Variants in TMEM132D observed in about 807,000 individuals in gnomAD.
The protein encoded by TMEM132D is mature OL transmembrane protein.
In TMEM132D, 21 loss-of-function variants were observed where a neutral mutation model predicts 62.3. The ratio of observed to expected loss-of-function variants is 0.34; its 90% CI spans 0.24 to 0.49. The LOEUF is 0.49. Ranked by LOEUF, TMEM132D falls within the 20% of genes least tolerant of loss-of-function variation. TMEM132D has a pLI of 0.99. For missense variants in TMEM132D, 1,346 were observed against 1,402.8 expected (o/e 0.96, Z 0.65); for synonymous variants, 621 against 575.6 (o/e 1.08, Z -1.13).
rs1159718899 is a variant in TMEM132D at position 129,388,272 on chromosome 12, A to G, written c.1116-50455T>C. Among the ~76,000 whole-genome samples the G allele has an allele frequency of 7.4e-4, 96 of 129,220 alleles. 1 individual carries two copies. The highest frequency in any genetic ancestry group is 1.3e-3 in the Non-Finnish European group (75 of 55,606). 84.8% of individuals were successfully genotyped at this position (129,220 alleles called of 152,430 possible). On this transcript the variant is annotated intron_variant, in intron 3 of 8. Transcript: ENST00000422113. ...TAACACCGACACCAATACTAACACC[A>G]ACACCAATCCAGCACTGATGATAAT... is the stretch of plus-strand genomic sequence containing the variant.
chr12:129,837,500 C>CA (rs1203497910), intron 1 of TMEM132D, among the ~76,000 whole-genome samples: 2 of 152,094 alleles, frequency 1.3e-5, no homozygotes, highest in Non-Finnish European at 2.9e-5. Flanking sequence ...CGCACATACA[C>CA]AAAAAAGAAC....
At chr12:129,256,041 G>A (rs1349901098) in intron 4 of TMEM132D, among the ~76,000 whole-genome samples, 1 of 152,128 alleles carries the variant, frequency 6.6e-6, no homozygotes, top group Non-Finnish European at 1.5e-5. Context: ...GATGGGTGTG[G>A]GTTTCAAACA....
chr12:129,901,514 T>A (rs1284994654), intron 1 of TMEM132D, among the ~76,000 whole-genome samples: 2 of 152,224 alleles, frequency 1.3e-5, no homozygotes, highest in African/African-American at 2.4e-5. Flanking sequence ...GCTGACTTGC[T>A]TAAGTTCAAT....
At position 129,700,232 on chromosome 12, in the gene TMEM132D, G is replaced by C. The variant is rs755395380; in HGVS notation, c.546C>G (p.Ser182Arg). The change falls in exon 2 of 9, where the codon AGC becomes AGG. Residue 182 changes from serine (S) to arginine (R), a missense_variant. By Grantham distance (110) the Ser-to-Arg change is moderately radical. Transcript: ENST00000422113. ...GCCCCAGGTCCCCCTGCAGCCGGCAGCTGCCCCGCACCTCTCGGGTCTCTC... is the reference window on the plus strand; with the variant it reads ...GCCCCAGGTCCCCCTGCAGCCGGCACCTGCCCCGCACCTCTCGGGTCTCTC... ...AFRETREVRG[S>R]CRLQGDLGLC... 6.2e-7 allele frequency: 1 copy of C among 1,612,960 alleles called. No homozygotes were observed. Among genetic ancestry groups the C allele is most frequent in the Admixed American group, 1.7e-5 (1 of 60,018 alleles).
chr12:129,408,384 T>C (rs191431582), intron 3 of TMEM132D, among the ~76,000 whole-genome samples: 1 of 152,156 alleles, frequency 6.6e-6, no homozygotes, highest in Non-Finnish European at 1.5e-5. Context: ...TTTGAATGAG[T>C]GTCATATTGC....
intron 3 of TMEM132D, among the ~76,000 whole-genome samples, chr12:129,489,357 A>G (rs942071062): frequency 1.3e-5 from 2 of 152,220 alleles, no homozygotes; most frequent in African/African-American, 2.4e-5. Context: ...TGGGGAATAC[A>G]TATCATCCTT....
intron 2 of TMEM132D, among the ~76,000 whole-genome samples, chr12:129,633,656 G>A (rs999134690): frequency 1.3e-5 from 2 of 152,248 alleles, no homozygotes; most frequent in Non-Finnish European, 2.9e-5. Context: ...CTTTCATGGT[G>A]AGAGTGTGAT....
chr12:129,220,710 T>C (rs1231253704), intron 4 of TMEM132D, among the ~76,000 whole-genome samples: 1 of 152,200 alleles, frequency 6.6e-6, no homozygotes, highest in African/African-American at 2.4e-5. Context: ...TGGTACCTTG[T>C]AAGATTCTTT....
intron 2 of TMEM132D, among the ~76,000 whole-genome samples, chr12:129,592,738 CAG>C (rs1464114404): frequency 1.3e-5 from 2 of 152,100 alleles, no homozygotes; most frequent in African/African-American, 2.4e-5. Flanking sequence ...GCAAAACAAA[CAG>C]TGTGTGCTAT....
intron 3 of TMEM132D, among the ~76,000 whole-genome samples, chr12:129,489,512 A>G (rs998417553): frequency 1.3e-5 from 2 of 152,256 alleles, no homozygotes; most frequent in African/African-American, 4.8e-5. Context: ...ATACTTGCAT[A>G]CATTAGGCAA....
At chr12:129,275,050 C>T (rs903772201) in intron 4 of TMEM132D, among the ~76,000 whole-genome samples, 3 of 152,094 alleles carry the variant, frequency 2.0e-5, no homozygotes, top group African/African-American at 4.8e-5. Flanking sequence ...GAGGTTGAGG[C>T]GGGACGATTC....
chr12:129,177,747 G>C (rs1475991225), intron 5 of TMEM132D, among the ~76,000 whole-genome samples: 1 of 152,208 alleles, frequency 6.6e-6, no homozygotes, highest in Non-Finnish European at 1.5e-5. Context: ...AATAGAATAA[G>C]TAAGTTCCCT....
intron 4 of TMEM132D, among the ~76,000 whole-genome samples, chr12:129,258,093 A>G (rs10847820): frequency 0.12 from 17,889 of 152,180 alleles, 1,563 homozygotes; most frequent in East Asian, 0.41. Flanking sequence ...TCATAAAACT[A>G]GACACATGTG....
In TMEM132D at chr12:129,278,106, C is replaced by G. The variant is rs981207960; in HGVS notation, c.1299+59528G>C. Among the ~76,000 whole-genome samples the G allele has an allele frequency of 2.6e-5, 4 of 152,196 alleles. No homozygotes were observed. The East Asian group carries it at 7.7e-4, about 29-fold the overall frequency. On this transcript the variant is annotated intron_variant, in intron 4 of 8. Coordinates refer to ENST00000422113, the MANE Select transcript of TMEM132D (RefSeq NM_133448.3). ...GCTAGGGTCTGGTTCTAACTGCTCA[C>G]TCCTTTACATAAGCCCCAAGCTCCC...
chr12:129,143,935 C>G (rs112079986), intron 5 of TMEM132D, among the ~76,000 whole-genome samples: 1 of 151,964 alleles, frequency 6.6e-6, no homozygotes, highest in Non-Finnish European at 1.5e-5. Flanking sequence ...CCTGCTCACT[C>G]TTGAACTCCC....
chr12:129,510,948 T>C (rs1465142678), intron 3 of TMEM132D, among the ~76,000 whole-genome samples: 2 of 152,306 alleles, frequency 1.3e-5, no homozygotes, highest in East Asian at 1.9e-4. Flanking sequence ...TAGGTTACTA[T>C]AGCTCAGTAG....
chr12:129,709,183 G>A (rs1483478026), intron 1 of TMEM132D, among the ~76,000 whole-genome samples: 4 of 152,064 alleles, frequency 2.6e-5, no homozygotes, highest in Admixed American at 6.5e-5. Context: ...AATCATGGTC[G>A]GGGTCAAATT....
chr12:129,649,157 A>G (rs879864007), intron 2 of TMEM132D, among the ~76,000 whole-genome samples: 1 of 152,222 alleles, frequency 6.6e-6, no homozygotes, highest in Non-Finnish European at 1.5e-5. Flanking sequence ...CATAAATGAT[A>G]AAGTCAGGAT....
chr12:129,645,736 G>A (rs1008013715), intron 2 of TMEM132D, among the ~76,000 whole-genome samples: 2 of 152,146 alleles, frequency 1.3e-5, no homozygotes, highest in Non-Finnish European at 2.9e-5. Context: ...CAATAGAGAA[G>A]CCAGGCCAAA....
Sources: allele counts gnomAD v4.1 joint callset (sites outside exome capture counted in the v4.1 genomes callset), GRCh38; gene constraint gnomAD v4.1.1; transcripts MANE v1.5; gene names NCBI Gene and HGNC (gene_info 2026-07-23, HGNC 2026-07-21).